CCDC73: variants seen among roughly 807,000 people sequenced by gnomAD.
CCDC73 encodes the protein coiled-coil domain containing 73, also known as coiled-coil domain-containing protein 73.
CCDC73 carries 95 observed loss-of-function variants against 116.5 expected under a neutral mutation model. That is an observed-to-expected ratio of 0.82 (90% CI 0.69 to 0.97). The LOEUF (loss-of-function observed/expected upper bound fraction) is 0.97, where lower values mean the gene tolerates loss of function less well. Ranked by LOEUF, CCDC73 falls within the 50% of genes least tolerant of loss-of-function variation. CCDC73 has a pLI of 0.00. For missense variants in CCDC73, 1,066 were observed against 1,206.8 expected (o/e 0.88, Z 1.73); for synonymous variants, 398 against 401.3 (o/e 0.99, Z 0.10).
At chr11:32,604,846 A>G (rs201896) in intron 17 of CCDC73, 37,389 of 151,894 alleles carry the variant, frequency 0.25, 4,722 homozygotes, top group Middle Eastern at 0.28. Flanking sequence ...ATTATGTAGT[A>G]CTAAGTTTAT....
chr11:32,656,311 C>T (rs887821719), intron 9 of CCDC73, among the ~76,000 whole-genome samples: 2 of 151,932 alleles, frequency 1.3e-5, no homozygotes, highest in African/African-American at 2.4e-5. Flanking sequence ...GATCTCCTGA[C>T]CTTCTGATCC....
intron 1 of CCDC73, among the ~76,000 whole-genome samples, chr11:32,777,353 C>A (rs1211699685): frequency 6.6e-6 from 1 of 151,982 alleles, no homozygotes; most frequent in Non-Finnish European, 1.5e-5. Context: ...GATCTGTCCA[C>A]CTCAGCCTCC....
At chr11:32,715,857 G>T (rs1181111680) in intron 3 of CCDC73, among the ~76,000 whole-genome samples, 1 of 151,994 alleles carries the variant, frequency 6.6e-6, no homozygotes, top group Non-Finnish European at 1.5e-5. Flanking sequence ...GTAAACATCT[G>T]GTTTATCAAA....
At chr11:32,695,059 G>A (rs1200689397) in intron 6 of CCDC73, among the ~76,000 whole-genome samples, 1 of 152,166 alleles carries the variant, frequency 6.6e-6, no homozygotes, top group Non-Finnish European at 1.5e-5. Context: ...AGAATTTATG[G>A]TGTATAATGT....
At position 32,673,197 on chromosome 11, in the gene CCDC73, T is replaced by C. The variant is rs1022468523; in HGVS notation, c.645+2368A>G. Among the ~76,000 whole-genome samples, 5 of 152,080 alleles carry C rather than the reference T, an allele frequency of 3.3e-5. No individual in the cohort carries two copies. The South Asian group carries it at 1.0e-3, about 31-fold the overall frequency. On this transcript the variant is annotated intron_variant, in intron 9 of 17. Transcript: ENST00000335185. ...TTCAACATCATATGTCATTAGGGAA[T>C]TGCAAATCAAAACAAGATACCACTA...
At chr11:32,776,859 T>G (rs1415332951) in intron 1 of CCDC73, among the ~76,000 whole-genome samples, 3 of 149,626 alleles carry the variant, frequency 2.0e-5, no homozygotes, top group Non-Finnish European at 1.5e-5. Flanking sequence ...TTCCCTTATA[T>G]TTTTCCTTTG....
At chr11:32,697,853 T>C (rs975300473) in intron 6 of CCDC73, among the ~76,000 whole-genome samples, 6 of 151,954 alleles carry the variant, frequency 3.9e-5, no homozygotes, top group African/African-American at 1.2e-4. Context: ...GTCTGTTATA[T>C]AGGTAAATTG....
chr11:32,740,687 T>A (rs1850175503), intron 2 of CCDC73, among the ~76,000 whole-genome samples: 2 of 152,070 alleles, frequency 1.3e-5, no homozygotes, highest in Non-Finnish European at 2.9e-5. Flanking sequence ...TCTGCTCTGA[T>A]CTTTATCATT....
chr11:32,793,992 C>T (rs937702748), intron 1 of CCDC73, among the ~76,000 whole-genome samples: 1 of 152,218 alleles, frequency 6.6e-6, no homozygotes, highest in African/African-American at 2.4e-5. Flanking sequence ...TTTAAATTTG[C>T]TCGTGCAAGG....
upstream of CCDC73, among the ~76,000 whole-genome samples, chr11:32,794,884 A>G (rs1157137340): frequency 7.4e-6 from 1 of 135,306 alleles, no homozygotes; most frequent in Admixed American, 7.7e-5. Context: ...TTTTTTTTTG[A>G]GACGGAGTCT....
chr11:32,778,665 G>A (rs1850557216), intron 1 of CCDC73, among the ~76,000 whole-genome samples: 1 of 151,830 alleles, frequency 6.6e-6, no homozygotes, highest in African/African-American at 2.4e-5. Flanking sequence ...TACAAAAATG[G>A]GCCAGACATG....
chr11:32,801,941 G>A, the CCDC73 span, among the ~76,000 whole-genome samples: 3 of 152,254 alleles, frequency 2.0e-5, no homozygotes, highest in Non-Finnish European at 4.4e-5. Flanking sequence ...ACATAGAGAA[G>A]AGGACCTTAA....
chr11:32,664,184 GC>G (rs1403388322), intron 9 of CCDC73, among the ~76,000 whole-genome samples: 1 of 152,182 alleles, frequency 6.6e-6, no homozygotes, highest in Non-Finnish European at 1.5e-5. Flanking sequence ...TCAGGATGAT[GC>G]TGGCCTCATA....
chr11:32,673,646 A>T (rs910603332), intron 9 of CCDC73, among the ~76,000 whole-genome samples: 4 of 152,214 alleles, frequency 2.6e-5, no homozygotes, highest in African/African-American at 9.6e-5. Flanking sequence ...TACTGAATCA[A>T]CTAGCCTATA....
the CCDC73 span, among the ~76,000 whole-genome samples, chr11:32,828,367 G>A: frequency 1.1e-4 from 17 of 151,966 alleles, no homozygotes; most frequent in South Asian, 4.2e-4. Context: ...AAAATTAGCC[G>A]GGCGTGGTGG....
the CCDC73 span, among the ~76,000 whole-genome samples, chr11:32,819,470 T>TG: frequency 2.7e-5 from 4 of 150,878 alleles, no homozygotes; most frequent in Admixed American, 6.6e-5. Context: ...ATAAGAGGTT[T>TG]TTTTTTTTTT....
chr11:32,782,797 A>C (rs1850594743), intron 1 of CCDC73, among the ~76,000 whole-genome samples: 1 of 152,216 alleles, frequency 6.6e-6, no homozygotes, highest in Non-Finnish European at 1.5e-5. Flanking sequence ...TGCTTCACAG[A>C]AACAGTTCTT....
At chr11:32,706,759 C>T (rs905531583) in intron 3 of CCDC73, among the ~76,000 whole-genome samples, 1 of 152,160 alleles carries the variant, frequency 6.6e-6, no homozygotes, top group Admixed American at 6.5e-5. Flanking sequence ...CCTGTTTCAG[C>T]CTGTTAACTG....
chr11:32,782,114 T>C (rs184825611), intron 1 of CCDC73, among the ~76,000 whole-genome samples: 1 of 152,338 alleles, frequency 6.6e-6, no homozygotes, highest in Non-Finnish European at 1.5e-5. Flanking sequence ...TGCATGATGA[T>C]CTGTCACTGT....
Sources: allele counts gnomAD v4.1 joint callset (sites outside exome capture counted in the v4.1 genomes callset), GRCh38; gene constraint gnomAD v4.1.1; transcripts MANE v1.5; gene names NCBI Gene and HGNC (gene_info 2026-07-23, HGNC 2026-07-21).